The following PCK2 variants were observed in gnomAD, a reference collection of about 807,000 sequenced individuals.
PCK2 encodes phosphoenolpyruvate carboxykinase 2, mitochondrial.
Under a neutral mutation model 65.9 loss-of-function variants are expected in PCK2, and 56 were observed. That is an observed-to-expected ratio of 0.85 (90% CI 0.69 to 1.06). PCK2 has a LOEUF of 1.06. PCK2 is among the 50% of genes least tolerant of loss of function. The pLI is 0.00. For missense variants in PCK2, 843 were observed against 863.1 expected, an observed-to-expected ratio of 0.98 and a Z score of 0.29; for synonymous variants, 305 against 319.6, an observed-to-expected ratio of 0.95 and a Z score of 0.49.
At position 24,098,536 on chromosome 14, in the gene PCK2, C is replaced by T. The variant is rs894314715; in HGVS notation, c.522C>T (p.Ile174=). ...MGPVGSPLSR[I]GVQLTDSAYV... ...CTGTGGGCTCCCCGCTGTCCCGCAT[C>T]GGGGTGCAGCTCACTGACTCAGCCT... The change falls in exon 4 of 10, where the codon ATC becomes ATT. Residue 174 remains isoleucine (I), a synonymous_variant. Coordinates refer to ENST00000216780, the MANE Select transcript of PCK2 (RefSeq NM_004563.4). 1.9e-6 allele frequency: 3 copies of T among 1,614,186 alleles called. No individual in the cohort carries two copies. The highest frequency in any genetic ancestry group is 2.2e-5 in the East Asian group (1 of 44,882).
At chr14:24,095,081 C>A (rs1469286484) in intron 1 of PCK2, 1 of 456,144 alleles carries the variant, frequency 2.2e-6, no homozygotes, top group Non-Finnish European at 4.4e-6. Context: ...CCCCCAGGCT[C>A]GTCCTGTTTG....
At position 24,097,125 on chromosome 14, in the gene PCK2, A is replaced by G. The variant is rs533717139; in HGVS notation, c.263A>G (p.Lys88Arg). Residue 88 changes from lysine to arginine, a missense_variant, in exon 2 of 10, where the codon AAG becomes AGG. Transcript: ENST00000216780. ...EQQGLIRKLP[K>R]YNNCWLARTD... Reference sequence around the variant, plus strand: ...CAGGGCCTCATCCGAAAGCTCCCCAAGTACAATAACTGGTAAGCCTTGGGC... The same window carrying G: ...CAGGGCCTCATCCGAAAGCTCCCCAGGTACAATAACTGGTAAGCCTTGGGC... The G allele has an allele frequency of 6.2e-6, 10 of 1,613,988 alleles. 1 individual carries two copies. The South Asian group carries it at 1.1e-4, about 18-fold the overall frequency.
intron 9 of PCK2, 55 bp downstream of exon 9, chr14:24,103,310 C>G: frequency 7.0e-7 from 1 of 1,429,578 alleles, no homozygotes; most frequent in South Asian, 1.2e-5. Flanking sequence ...CACGTCCTCT[C>G]TCCCTTCCTG....
Position 24,097,778 on chromosome 14 carries a change from G to A in PCK2, c.276-425G>A, listed in dbSNP as rs570309598. ...CCAGCTGATTTTTGTATTTTTAGTA[G>A]AGACAGGGTTTCACCATGTTGGCCA... On this transcript the variant is annotated intron_variant, in intron 2 of 9. Coordinates refer to ENST00000216780, the MANE Select transcript of PCK2 (RefSeq NM_004563.4). Among the ~76,000 whole-genome samples the A allele has an allele frequency of 2.2e-4, 33 of 152,066 alleles. 1 individual carries two copies. The highest frequency in any genetic ancestry group is 6.7e-4 in the African/African-American group (28 of 41,496).
In PCK2 at chr14:24,103,700, G is replaced by A; in HGVS notation, c.1659G>A (p.Arg553=). The A allele has an allele frequency of 1.9e-6, 3 of 1,614,184 alleles. No individual in the cohort carries two copies. The highest frequency in any genetic ancestry group is 2.5e-6 in the Non-Finnish European group (3 of 1,180,036). The change falls in exon 10 of 10, where the codon CGG becomes CGA. Residue 553 remains arginine, a synonymous_variant. Coordinates refer to ENST00000216780, the MANE Select transcript of PCK2 (RefSeq NM_004563.4). ...FLWPGFGENA[R]VLDWICRRLE... The stretch of plus-strand genomic sequence containing the variant: ...GGCCAGGCTTTGGGGAGAATGCTCG[G>A]GTGCTAGACTGGATCTGCCGGCGGT...
rs2036921143 is a variant in PCK2, at chr14:24,097,121, CCCA to C, written c.260_262del (p.Pro87_Lys88delinsGln). On this transcript the variant is annotated inframe_deletion, in exon 2 of 10. Transcript: ENST00000216780. ...GCAGCAGGGCCTCATCCGAAAGCTC[CCCA>C]AGTACAATAACTGGTAAGCCTTGGG... 6.2e-7 allele frequency: 1 copy of C among 1,613,820 alleles called. No homozygotes were observed. Among genetic ancestry groups the C allele is most frequent in the Non-Finnish European group, 8.5e-7 (1 of 1,179,990 alleles).
upstream of PCK2, chr14:24,094,274 C>G: frequency 1.2e-6 from 1 of 848,482 alleles, no homozygotes; most frequent in Non-Finnish European, 1.8e-6. The surrounding 1 kb of genome is among the most constrained non-coding windows in gnomAD (Gnocchi z 4.1). Context: ...CCGCGCCTGC[C>G]CCCCTCCTTT....
intron 5 of PCK2, 127 bp downstream of exon 5, chr14:24,099,363 G>A (rs1304651966): frequency 3.7e-6 from 4 of 1,077,234 alleles, no homozygotes; most frequent in Non-Finnish European, 5.2e-6. Flanking sequence ...CTACTTGAAG[G>A]CCCAAAGCTT....
chr14:24,100,573 ATT>A, intron 7 of PCK2: 1 of 1,057,200 alleles, frequency 9.5e-7, no homozygotes, highest in Non-Finnish European at 1.2e-6. Context: ...TACAGGCTGG[ATT>A]TTTTTTTAAT....
Position 24,103,524 on chromosome 14 carries a change from C to T in PCK2, c.1483C>T (p.His495Tyr), listed in dbSNP as rs748953811. ...AAEHKGKIIMHDPFAMRPFFG... is the reference protein window; with the variant it reads ...AAEHKGKIIMYDPFAMRPFFG... ...TTCCCCCCCAGGGAAGATCATCATG[C>T]ACGACCCATTTGCCATGCGGCCCTT... The change falls in exon 10 of 10, where the codon CAC becomes TAC. Residue 495 changes from histidine (H) to tyrosine (Y), a missense_variant. Physicochemically the swap from His to Tyr is moderately conservative, Grantham distance 83 (BLOSUM62 2). Coordinates refer to ENST00000216780, the MANE Select transcript of PCK2 (RefSeq NM_004563.4). 6 of 1,554,318 alleles carry T rather than the reference C, an allele frequency of 3.9e-6. No homozygotes were observed. In the Admixed American group the frequency reaches 9.3e-5, roughly 24 times the overall value.
At position 24,100,033 on chromosome 14, in the gene PCK2, G is replaced by C. The variant is rs770666855; in HGVS notation, c.1054G>C (p.Gly352Arg). ...RAINPENGFF[G>R]VAPGTSATTN... ...CATCAACCCTGAGAACGGCTTCTTT[G>C]GGGTTGCCCCTGGTACCTCTGCCAC... The change falls in exon 7 of 10, where the codon GGG becomes CGG. Residue 352 changes from glycine (G) to arginine (R), a missense_variant. Gly to Arg is a moderately radical substitution (Grantham distance 125). Coordinates refer to ENST00000216780, the MANE Select transcript of PCK2 (RefSeq NM_004563.4). 29 of 1,613,856 alleles carry C rather than the reference G, an allele frequency of 1.8e-5. No homozygotes were observed. Among genetic ancestry groups the C allele is most frequent in the Non-Finnish European group, 2.4e-5 (28 of 1,179,928 alleles).
chr14:24,094,489 C>G lies in PCK2; in HGVS notation c.29+55C>G. On this transcript the variant is annotated intron_variant, in intron 1 of 9. Coordinates refer to ENST00000216780, the MANE Select transcript of PCK2 (RefSeq NM_004563.4). This position sits in a 1 kb window ranked among gnomAD's most constrained non-coding sequence, Gnocchi z 4.1. ...GCACCTTCCGCTGCGCTCGCCCCCTCGGGGCTGCCAGTGGCGCTCTCCTGC... is the reference window on the plus strand; with the variant it reads ...GCACCTTCCGCTGCGCTCGCCCCCTGGGGGCTGCCAGTGGCGCTCTCCTGC... 6.7e-7 allele frequency: 1 copy of G among 1,482,042 alleles called. No homozygotes were observed. The highest frequency in any genetic ancestry group is 8.9e-7 in the Non-Finnish European group (1 of 1,123,790). The allele number at this position is 1,482,042 out of a possible 1,614,324, so 91.8% of individuals were successfully genotyped here. A position where few individuals can be genotyped will look rare whatever the true frequency, so the allele number is the denominator to read the frequency against.
In PCK2 at chr14:24,094,479, C is replaced by T; in HGVS notation, c.29+45C>T. 6.7e-7 allele frequency: 1 copy of T among 1,491,198 alleles called. No individual in the cohort carries two copies. The highest frequency in any genetic ancestry group is 1.3e-5 in the South Asian group (1 of 77,510). The allele number at this position is 1,491,198 out of a possible 1,614,324, so 92.4% of individuals were successfully genotyped here. The stretch of plus-strand genomic sequence containing the variant: ...GGGCCCACCCGCACCTTCCGCTGCG[C>T]TCGCCCCCTCGGGGCTGCCAGTGGC... On this transcript the variant is annotated intron_variant, in intron 1 of 9. Coordinates refer to ENST00000216780, the MANE Select transcript of PCK2 (RefSeq NM_004563.4). This position sits in a 1 kb window ranked among gnomAD's most constrained non-coding sequence, Gnocchi z 4.1.
chr14:24,099,436 A>C (rs765867553), intron 5 of PCK2, 122 bp from the exon 6 acceptor site: 39 of 1,053,512 alleles, frequency 3.7e-5, no homozygotes, highest in Non-Finnish European at 5.4e-5. Context: ...ATGGCAGGGC[A>C]ATCACTTATA....
chr14:24,094,978 G>A lies in PCK2; in HGVS notation c.29+544G>A. 1 of 687,620 alleles carries A rather than the reference G, an allele frequency of 1.5e-6. No individual in the cohort carries two copies. Among genetic ancestry groups the A allele is most frequent in the Non-Finnish European group, 2.2e-6 (1 of 451,998 alleles). The allele number at this position is 687,620 out of a possible 1,614,324, so 42.6% of individuals were successfully genotyped here. On this transcript the variant is annotated intron_variant, in intron 1 of 9. Coordinates refer to ENST00000216780, the MANE Select transcript of PCK2 (RefSeq NM_004563.4). This position sits in a 1 kb window ranked among gnomAD's most constrained non-coding sequence, Gnocchi z 4.1. ...GTCCAGAGCAGCCCGAGGGACCTGG[G>A]CCCAGGGGAGGGAGGCAAGCAAGGT...
Position 24,094,562 on chromosome 14 carries a change from C to T in PCK2, c.29+128C>T. Reference sequence around the variant, plus strand: ...CATCCTAGGCGGAGGCGGGCAGGGGCGACTGCTGTGGGTCCAGCCTCCCGC... The same window carrying T: ...CATCCTAGGCGGAGGCGGGCAGGGGTGACTGCTGTGGGTCCAGCCTCCCGC... On this transcript the variant is annotated intron_variant, in intron 1 of 9. Transcript: ENST00000216780. The surrounding 1 kb of genome is among the most constrained non-coding windows in gnomAD (Gnocchi z 4.1). 1.4e-6 allele frequency: 2 copies of T among 1,441,294 alleles called. No homozygotes were observed. The highest frequency in any genetic ancestry group is 1.8e-6 in the Non-Finnish European group (2 of 1,101,570). The allele number at this position is 1,441,294 out of a possible 1,614,324, so 89.3% of individuals were successfully genotyped here. A position where few individuals can be genotyped will look rare whatever the true frequency, so the allele number is the denominator to read the frequency against.
Position 24,099,179 on chromosome 14 carries a change from C to T in PCK2, c.795C>T (p.Ala265=). 3.1e-6 allele frequency: 5 copies of T among 1,608,092 alleles called. No homozygotes were observed. The highest frequency in any genetic ancestry group is 3.4e-6 in the Non-Finnish European group (4 of 1,179,108). ...GNSLLGKKCF[A]LRIASRLARD... The stretch of plus-strand genomic sequence containing the variant: ...CCCTGCTGGGCAAGAAGTGCTTTGC[C>T]CTACGCATCGCCTCTCGGCTGGCCC... The change falls in exon 5 of 10, where the codon GCC becomes GCT. Residue 265 remains alanine, a synonymous_variant. Transcript: ENST00000216780.
chr14:24,099,787 T>C, intron 6 of PCK2, 67 bp downstream of exon 6: 1 of 1,526,882 alleles, frequency 6.5e-7, no homozygotes, highest in Non-Finnish European at 9.1e-7. Context: ...TCCTCTCTAG[T>C]GTTCACAATG....
chr14:24,102,615 C>A, intron 7 of PCK2, 138 bp from the exon 8 acceptor site: 1 of 701,374 alleles, frequency 1.4e-6, no homozygotes, highest in Non-Finnish European at 2.4e-6. Flanking sequence ...CCTCTCTCTG[C>A]TCCTTATCAC....
Sources: allele counts gnomAD v4.1 joint callset (sites outside exome capture counted in the v4.1 genomes callset), GRCh38; gene constraint gnomAD v4.1.1; non-coding constraint Gnocchi (gnomAD v3.1); transcripts MANE v1.5; gene names NCBI Gene and HGNC (gene_info 2026-07-23, HGNC 2026-07-21).